RFFL: variants seen among roughly 807,000 people sequenced by gnomAD.
The protein encoded by RFFL is E3 ubiquitin-protein ligase rififylin.
A neutral mutation model predicts 40.4 loss-of-function variants in RFFL; 16 were observed. The ratio of observed to expected loss-of-function variants is 0.40; its 90% CI spans 0.27 to 0.60. The LOEUF is 0.60. Ranked by LOEUF, RFFL falls within the 20% of genes least tolerant of loss-of-function variation. RFFL has a pLI of 0.47. For missense variants in RFFL, 367 were observed against 451.7 expected (o/e 0.81, Z 1.70); for synonymous variants, 154 against 167.9 (o/e 0.92, Z 0.64).
chr17:35,047,679 C>T (rs988171443), intron 1 of RFFL, among the ~76,000 whole-genome samples: 3 of 152,068 alleles, frequency 2.0e-5, no homozygotes, highest in Admixed American at 6.6e-5. Flanking sequence ...CTTCTGCCTC[C>T]TGGGCTCAAG....
chr17:35,012,198 A>C (rs975617621), intron 6 of RFFL, 49 bp from the exon 7 acceptor site: 2 of 1,554,956 alleles, frequency 1.3e-6, no homozygotes, highest in African/African-American at 2.7e-5. Context: ...AGTGAGGAGA[A>C]TGTCTTAAGT....
chr17:35,027,803 CG>C (rs1015658922), intron 1 of RFFL, among the ~76,000 whole-genome samples: 7 of 147,856 alleles, frequency 4.7e-5, no homozygotes, highest in Non-Finnish European at 1.0e-4. Context: ...GAGGCCAAGG[CG>C]GGTGGATCAC....
intron 1 of RFFL, among the ~76,000 whole-genome samples, chr17:35,039,113 C>T (rs1011949056): frequency 2.0e-5 from 3 of 152,142 alleles, no homozygotes; most frequent in African/African-American, 7.2e-5. Flanking sequence ...CATCAAGTTG[C>T]CCAGGCTGAT....
chr17:35,027,893 C>T (rs373242770), intron 1 of RFFL, among the ~76,000 whole-genome samples: 3 of 151,634 alleles, frequency 2.0e-5, no homozygotes, highest in Admixed American at 6.6e-5. Flanking sequence ...ATTAGCTGGG[C>T]GGGGTGGCAG....
intron 1 of RFFL, among the ~76,000 whole-genome samples, chr17:35,062,406 G>GA (rs796104772): frequency 1.5e-4 from 22 of 146,998 alleles, no homozygotes; most frequent in Middle Eastern, 3.4e-3. Context: ...CCTCTCAGAA[G>GA]AAAAAAAAAA....
intron 1 of RFFL, chr17:35,076,930 A>C (rs1431788311): frequency 7.1e-6 from 2 of 282,992 alleles, no homozygotes; most frequent in Non-Finnish European, 1.4e-5. Context: ...TGTATACAGC[A>C]AATTCGGGCA....
rs1047325303 is a variant in RFFL at position 35,027,001 on chromosome 17, G to A, written c.-8-440C>T. 1.4e-4 allele frequency among the ~76,000 whole-genome samples: 21 copies of A among 152,182 alleles called. No individual in the cohort carries two copies. The East Asian group carries it at 4.1e-3, about 29-fold the overall frequency. On this transcript the variant is annotated intron_variant, in intron 1 of 6. Coordinates refer to ENST00000394597, the MANE Select transcript of RFFL (RefSeq NM_001017368.2). ...AAGGCGTGAGCCATGGCGCTGAGCTGGGGAAGACTATTGTTCATTGCTTTA... is the reference window on the plus strand; with the variant it reads ...AAGGCGTGAGCCATGGCGCTGAGCTAGGGAAGACTATTGTTCATTGCTTTA...
chr17:35,066,101 C>T (rs1218271813), upstream of RFFL, among the ~76,000 whole-genome samples: 2 of 152,020 alleles, frequency 1.3e-5, no homozygotes, highest in Admixed American at 6.6e-5. Context: ...CCAGCCCAGG[C>T]GACAGAAGGA....
At chr17:35,084,759 G>T (rs935354952) in intron 1 of RFFL, among the ~76,000 whole-genome samples, 2 of 151,572 alleles carry the variant, frequency 1.3e-5, no homozygotes, top group African/African-American at 4.9e-5. Flanking sequence ...AGCTGGGTGT[G>T]GTGGTGGGTG....
intron 1 of RFFL, among the ~76,000 whole-genome samples, chr17:35,047,142 C>G (rs2091204140): frequency 1.3e-5 from 2 of 152,280 alleles, no homozygotes; most frequent in South Asian, 2.1e-4. Context: ...GAAGAAGCTG[C>G]TTTCACAAGA....
intron 1 of RFFL, among the ~76,000 whole-genome samples, chr17:35,028,248 T>C (rs2091056554): frequency 6.6e-6 from 1 of 151,218 alleles, no homozygotes; most frequent in Non-Finnish European, 1.5e-5. Flanking sequence ...GGTGAGAGGA[T>C]CACTTAAGCC....
At chr17:35,080,592 C>G (rs2091398975) in intron 1 of RFFL, among the ~76,000 whole-genome samples, 1 of 152,142 alleles carries the variant, frequency 6.6e-6, no homozygotes, top group Non-Finnish European at 1.5e-5. Context: ...TTAACATAAT[C>G]CACCAGCAGT....
chr17:35,049,533 G>A (rs949200333), intron 1 of RFFL, among the ~76,000 whole-genome samples: 1 of 152,160 alleles, frequency 6.6e-6, no homozygotes, highest in African/African-American at 2.4e-5. Flanking sequence ...TCAGAAAATA[G>A]GGGCTGCTGA....
rs145897704 is a variant in RFFL at position 35,063,195 on chromosome 17, C to T, written c.-9+381G>A. On this transcript the variant is annotated intron_variant, in intron 1 of 6. Coordinates refer to ENST00000394597, the MANE Select transcript of RFFL (RefSeq NM_001017368.2). ...TTCTGGCCGGGGGCCGTGGCTCATGCCTATAATTCCAGCACTTTGGGAGGC... is the reference window on the plus strand; with the variant it reads ...TTCTGGCCGGGGGCCGTGGCTCATGTCTATAATTCCAGCACTTTGGGAGGC... Among the ~76,000 whole-genome samples, 7 of 152,214 alleles carry T rather than the reference C, an allele frequency of 4.6e-5. No homozygotes were observed. The East Asian group carries it at 1.4e-3, about 29-fold the overall frequency.
intron 6 of RFFL, 97 bp downstream of exon 6, chr17:35,014,643 A>G: frequency 1.7e-6 from 2 of 1,202,860 alleles, no homozygotes; most frequent in Non-Finnish European, 2.5e-6. Context: ...TGGGGGCTCA[A>G]ATGCTCAGAA....
intron 3 of RFFL, among the ~76,000 whole-genome samples, chr17:35,020,173 C>A (rs548082354): frequency 3.3e-5 from 5 of 152,248 alleles, no homozygotes; most frequent in Admixed American, 6.5e-5. Flanking sequence ...CCAAGGGGAT[C>A]AAGAAGTCAG....
chr17:35,022,272 C>T (rs553928078), intron 2 of RFFL, among the ~76,000 whole-genome samples: 1 of 152,268 alleles, frequency 6.6e-6, no homozygotes, highest in South Asian at 2.1e-4. Flanking sequence ...GCATATCTAA[C>T]ACAAAATGAG....
chr17:35,023,964 T>C (rs1218332471), intron 2 of RFFL, among the ~76,000 whole-genome samples: 1 of 152,202 alleles, frequency 6.6e-6, no homozygotes, highest in Non-Finnish European at 1.5e-5. Flanking sequence ...AAAAAAGGGC[T>C]GTCAACAAAT....
intron 1 of RFFL, among the ~76,000 whole-genome samples, chr17:35,044,321 C>T (rs1000491265): frequency 1.3e-5 from 2 of 152,224 alleles, no homozygotes; most frequent in African/African-American, 4.8e-5. Context: ...TCAAGCAATC[C>T]TACCTGGGCC....
Sources: allele counts gnomAD v4.1 joint callset (sites outside exome capture counted in the v4.1 genomes callset), GRCh38; gene constraint gnomAD v4.1.1; transcripts MANE v1.5; gene names NCBI Gene and HGNC (gene_info 2026-07-23, HGNC 2026-07-21).